The following EPB41L4B variants were observed in gnomAD, a reference collection of about 807,000 sequenced individuals.
EPB41L4B encodes the protein band 4.1-like protein 4B.
EPB41L4B carries 30 observed loss-of-function variants against 112.5 expected under a neutral mutation model. The observed-to-expected ratio is 0.27, with a 90% CI of 0.20 to 0.36. The LOEUF (loss-of-function observed/expected upper bound fraction) is 0.36. Ranked by LOEUF, EPB41L4B falls within the 10% of genes least tolerant of loss-of-function variation. The pLI is 1.00. For synonymous variants in EPB41L4B, 408 were observed against 439.7 expected (o/e 0.93, Z 0.90); for missense variants, 1,024 against 1,133.3 (o/e 0.90, Z 1.38).
chr9:109,203,386 G>A (rs1387694699), intron 19 of EPB41L4B, among the ~76,000 whole-genome samples: 1 of 152,142 alleles, frequency 6.6e-6, no homozygotes, highest in Non-Finnish European at 1.5e-5. Context: ...TAAGCAGGGG[G>A]ATGGCAATGT....
intron 22 of EPB41L4B, among the ~76,000 whole-genome samples, chr9:109,188,937 A>G (rs1255416802): frequency 6.6e-6 from 1 of 152,190 alleles, no homozygotes; most frequent in Non-Finnish European, 1.5e-5. Flanking sequence ...TGGGGAGGGA[A>G]GCTAGCACGG....
At chr9:109,199,722 G>A (rs1832759263) in intron 20 of EPB41L4B, among the ~76,000 whole-genome samples, 1 of 152,134 alleles carries the variant, frequency 6.6e-6, no homozygotes, top group Non-Finnish European at 1.5e-5. Context: ...AAAAGACTGT[G>A]CCTTTGCCTT....
chr9:109,294,044 C>T (rs1836639205), intron 1 of EPB41L4B, among the ~76,000 whole-genome samples: 1 of 152,188 alleles, frequency 6.6e-6, no homozygotes, highest in Non-Finnish European at 1.5e-5. Flanking sequence ...TGGTGGCTCA[C>T]GCCTGTAATC....
chr9:109,185,422 C>T (rs1832217806), intron 23 of EPB41L4B, 67 bp downstream of exon 23: 2 of 1,414,466 alleles, frequency 1.4e-6, no homozygotes, highest in Non-Finnish European at 2.0e-6. Context: ...AGGCTTCCAC[C>T]TCGCCTGGTG....
intron 19 of EPB41L4B, among the ~76,000 whole-genome samples, chr9:109,203,228 G>A (rs1033213673): frequency 1.3e-5 from 2 of 152,182 alleles, no homozygotes; most frequent in Non-Finnish European, 2.9e-5. Context: ...AGCTCAGCAG[G>A]CAGGGCACAT....
chr9:109,205,367 T>C (rs1832961788), intron 18 of EPB41L4B, among the ~76,000 whole-genome samples: 2 of 152,260 alleles, frequency 1.3e-5, no homozygotes, highest in East Asian at 1.9e-4. Flanking sequence ...ATTTTCAAGA[T>C]ACTGCACTTC....
chr9:109,212,469 G>GA (rs368155729), intron 17 of EPB41L4B, among the ~76,000 whole-genome samples: 5 of 151,260 alleles, frequency 3.3e-5, no homozygotes, highest in South Asian at 4.2e-4. Flanking sequence ...GGGAGGTATA[G>GA]AAAAAAAAAG....
intron 1 of EPB41L4B, among the ~76,000 whole-genome samples, chr9:109,290,780 A>C (rs1006326377): frequency 6.6e-6 from 1 of 150,584 alleles, no homozygotes; most frequent in Non-Finnish European, 1.5e-5. Context: ...ACACACACAC[A>C]CACCCCCCAC....
Position 109,192,411 on chromosome 9 carries a change from T to C in EPB41L4B, c.2224-56A>G, listed in dbSNP as rs1215552654. 4.3e-6 allele frequency: 6 copies of C among 1,399,756 alleles called. No homozygotes were observed. The Admixed American group carries it at 1.3e-4, about 30-fold the overall frequency. The allele number at this position is 1,399,756 out of a possible 1,614,324, so 86.7% of individuals were successfully genotyped here. ...AGACGGCACTGCATTGATGATAAAG[T>C]TCACCAGAAAAGACAGGCAGAGGTT... On this transcript the variant is annotated intron_variant, in intron 21 of 25. Coordinates refer to ENST00000374566, the MANE Select transcript of EPB41L4B (RefSeq NM_019114.5).
intron 3 of EPB41L4B, 42 bp downstream of exon 3, chr9:109,268,349 C>A: frequency 6.3e-7 from 1 of 1,581,726 alleles, no homozygotes; most frequent in Non-Finnish European, 8.6e-7. Context: ...AGTTTACTCT[C>A]AGAAAAAAAA....
intron 15 of EPB41L4B, among the ~76,000 whole-genome samples, chr9:109,222,352 A>G (rs1833607900): frequency 6.6e-6 from 1 of 152,198 alleles, no homozygotes; most frequent in Admixed American, 6.5e-5. Flanking sequence ...TTCTCAGCTC[A>G]CACGCCTGGG....
intron 18 of EPB41L4B, among the ~76,000 whole-genome samples, chr9:109,205,292 C>T (rs4978780): frequency 0.51 from 76,963 of 151,946 alleles, 20,135 homozygotes; most frequent in African/African-American, 0.62. Context: ...CCACTGTGTC[C>T]TTTTGGCTAG....
intron 15 of EPB41L4B, among the ~76,000 whole-genome samples, chr9:109,230,953 C>T (rs909199521): frequency 4.6e-5 from 7 of 152,154 alleles, no homozygotes; most frequent in East Asian, 1.9e-4. Flanking sequence ...GTCAGGAGTT[C>T]GAGACCAGCC....
chr9:109,257,007 C>A (rs1835007550), intron 7 of EPB41L4B, among the ~76,000 whole-genome samples: 1 of 152,162 alleles, frequency 6.6e-6, no homozygotes, highest in Admixed American at 6.5e-5. Context: ...CTTAAGGAAA[C>A]AACAAAACAA....
intron 1 of EPB41L4B, among the ~76,000 whole-genome samples, chr9:109,290,784 CCCCCA>C (rs1836499270): frequency 6.8e-6 from 1 of 147,546 alleles, no homozygotes; most frequent in Admixed American, 6.7e-5. Context: ...ACACACACAC[CCCCCA>C]CCAAGTGGCC....
chr9:109,288,056 T>C (rs1470940201), intron 1 of EPB41L4B, among the ~76,000 whole-genome samples: 5 of 152,258 alleles, frequency 3.3e-5, no homozygotes, highest in South Asian at 2.1e-4. Context: ...AATTCATACA[T>C]TGAAAACTAA....
chr9:109,285,185 T>C (rs1487740049), intron 1 of EPB41L4B, among the ~76,000 whole-genome samples: 1 of 152,242 alleles, frequency 6.6e-6, no homozygotes, highest in African/African-American at 2.4e-5. Flanking sequence ...GGGCTGACCA[T>C]CCCATCACAC....
At chr9:109,290,718 T>TAC (rs1169066742) in intron 1 of EPB41L4B, among the ~76,000 whole-genome samples, 1 of 150,264 alleles carries the variant, frequency 6.7e-6, no homozygotes, top group African/African-American at 2.5e-5. Flanking sequence ...GCCATATATA[T>TAC]ATATATATAT....
intron 15 of EPB41L4B, among the ~76,000 whole-genome samples, chr9:109,226,699 TATATATATGAAGA>T (rs1456742816): frequency 2.0e-5 from 2 of 101,922 alleles, no homozygotes; most frequent in Non-Finnish European, 2.1e-5. Context: ...TATATATGAA[TATATATATGAAGA>T]ATATATATAT....
Sources: gnomAD v4.1 joint callset for allele counts (sites outside exome capture counted in the v4.1 genomes callset) on GRCh38, gnomAD v4.1.1 for gene constraint, MANE v1.5 for transcripts, NCBI Gene and HGNC (gene_info 2026-07-23, HGNC 2026-07-21) for gene names.